STK33: variants seen among roughly 807,000 people sequenced by gnomAD.
STK33 encodes serine/threonine kinase 33, also known as serine/threonine-protein kinase 33.
A neutral mutation model predicts 58.0 loss-of-function variants in STK33; 52 were observed. That is an observed-to-expected ratio of 0.90 (90% confidence interval 0.72 to 1.13). The LOEUF (loss-of-function observed/expected upper bound fraction) is 1.13, where lower values mean the gene tolerates loss of function less well. Ranked by LOEUF, STK33 falls within the 50% of genes most tolerant of loss-of-function variation. STK33 has a pLI of 0.00. For missense variants in STK33, 630 were observed against 604.2 expected, an observed-to-expected ratio of 1.04 and a Z score of -0.45; for synonymous variants, 215 against 200.1, an observed-to-expected ratio of 1.07 and a Z score of -0.63.
At chr11:8,406,053 G>A (rs1162747706) in intron 15 of STK33, among the ~76,000 whole-genome samples, 1 of 147,200 alleles carries the variant, frequency 6.8e-6, no homozygotes, top group East Asian at 2.1e-4. Context: ...TGAGGCAGGA[G>A]AATGGCGGGA....
At chr11:8,537,766 T>C (rs1418504940) in intron 1 of STK33, among the ~76,000 whole-genome samples, 1 of 144,842 alleles carries the variant, frequency 6.9e-6, no homozygotes, top group South Asian at 2.2e-4. Context: ...GCCGAGATCA[T>C]GCCACTGCAC....
intron 14 of STK33, among the ~76,000 whole-genome samples, chr11:8,428,539 G>A (rs913211251): frequency 2.0e-5 from 3 of 152,196 alleles, no homozygotes; most frequent in African/African-American, 7.2e-5. Context: ...TATCTTGGCA[G>A]GAACCAGAGT....
chr11:8,486,426 C>T (rs377149303), intron 1 of STK33, among the ~76,000 whole-genome samples: 13 of 152,318 alleles, frequency 8.5e-5, no homozygotes, highest in African/African-American at 1.9e-4. Context: ...CTTTCCCATT[C>T]CTCTCTTCAT....
intron 1 of STK33, among the ~76,000 whole-genome samples, chr11:8,484,498 G>A (rs779045102): frequency 2.0e-5 from 3 of 152,184 alleles, no homozygotes; most frequent in Non-Finnish European, 4.4e-5. Flanking sequence ...TTGCAGCTGA[G>A]CTGTAGTGGG....
intron 1 of STK33, among the ~76,000 whole-genome samples, chr11:8,514,727 T>C (rs1050971492): frequency 6.6e-6 from 1 of 151,846 alleles, no homozygotes; most frequent in Non-Finnish European, 1.5e-5. Context: ...TCTCTGAATG[T>C]TGATGACACC....
chr11:8,592,392 A>T (rs1481594710), intron 1 of STK33, among the ~76,000 whole-genome samples: 1 of 152,266 alleles, frequency 6.6e-6, no homozygotes, highest in Non-Finnish European at 1.5e-5. Context: ...AAACATATTA[A>T]TAATGACAGA....
chr11:8,558,630 G>T lies in STK33; in HGVS notation c.-466+35453C>A, dbSNP rs1341568869. ...AAGGTGTGACACCAGATGCGGGTGG[G>T]TGTGGCTCATAACTTGTGGTGAACT... On this transcript the variant is annotated intron_variant, in intron 1 of 15. Transcript: ENST00000687296. Among the ~76,000 whole-genome samples, 3 of 152,144 alleles carry T rather than the reference G, an allele frequency of 2.0e-5. No homozygotes were observed. In the East Asian group the frequency reaches 5.8e-4, roughly 29 times the overall value.
downstream of STK33, among the ~76,000 whole-genome samples, chr11:8,390,298 C>T (rs985783262): frequency 6.6e-6 from 1 of 152,176 alleles, no homozygotes; most frequent in Non-Finnish European, 1.5e-5. Flanking sequence ...GACTATGTCC[C>T]GCTGGATCAC....
At chr11:8,452,052 A>G (rs1163129391) in intron 11 of STK33, among the ~76,000 whole-genome samples, 1 of 152,070 alleles carries the variant, frequency 6.6e-6, no homozygotes, top group Non-Finnish European at 1.5e-5. Context: ...AAAATACAAA[A>G]ATTAGCCAGG....
intron 1 of STK33, among the ~76,000 whole-genome samples, chr11:8,531,460 G>A (rs916604858): frequency 1.3e-5 from 2 of 152,206 alleles, no homozygotes; most frequent in East Asian, 1.9e-4. Context: ...ATGTGATTAC[G>A]TTGAGATGAC....
the STK33 span, among the ~76,000 whole-genome samples, chr11:8,357,829 G>A: frequency 1.3e-5 from 2 of 152,178 alleles, no homozygotes; most frequent in African/African-American, 2.4e-5. Flanking sequence ...TCTACATGGG[G>A]CCACCAGCTC....
intron 15 of STK33, among the ~76,000 whole-genome samples, chr11:8,412,015 G>A (rs1940336411): frequency 6.6e-6 from 1 of 152,118 alleles, no homozygotes; most frequent in South Asian, 2.1e-4. Context: ...AAAGGGGATG[G>A]AAGACATTTG....
the STK33 span, among the ~76,000 whole-genome samples, chr11:8,385,772 C>T: frequency 6.6e-6 from 1 of 151,822 alleles, no homozygotes; most frequent in East Asian, 1.9e-4. Flanking sequence ...GTCTCTCAAT[C>T]CAGTTCCTTT....
At chr11:8,388,442 T>C (rs1848574314), downstream of STK33, among the ~76,000 whole-genome samples, 1 of 152,240 alleles carries the variant, frequency 6.6e-6, no homozygotes, top group South Asian at 2.1e-4. Flanking sequence ...AATTAAGTGA[T>C]AACAATGTAC....
At chr11:8,463,393 G>A (rs908093422) in intron 7 of STK33, among the ~76,000 whole-genome samples, 9 of 152,118 alleles carry the variant, frequency 5.9e-5, no homozygotes, top group African/African-American at 1.2e-4. Context: ...ATCTAATGCC[G>A]CTGCTGATCT....
At chr11:8,338,345 G>A in the STK33 span, among the ~76,000 whole-genome samples, 5 of 152,170 alleles carry the variant, frequency 3.3e-5, no homozygotes, top group East Asian at 1.9e-4. Flanking sequence ...TCCCCGGGCC[G>A]GAGGTTTGGC....
intron 1 of STK33, chr11:8,555,222 T>C (rs1956652967): frequency 6.6e-6 from 1 of 151,276 alleles, no homozygotes; most frequent in South Asian, 2.1e-4. Context: ...AGAAGTAGAG[T>C]GTAGAATGAT....
At chr11:8,411,836 T>C (rs1332002566) in intron 15 of STK33, among the ~76,000 whole-genome samples, 1 of 152,212 alleles carries the variant, frequency 6.6e-6, no homozygotes, top group African/African-American at 2.4e-5. Context: ...TTCTATATTC[T>C]TGAAATGTCA....
intron 1 of STK33, among the ~76,000 whole-genome samples, chr11:8,536,972 A>AACT (rs1565305538): frequency 1.5e-5 from 1 of 65,734 alleles, no homozygotes; most frequent in Non-Finnish European, 2.5e-5. Flanking sequence ...AAAAAAAAAG[A>AACT]TTTTTTTTTT....
Sources: allele counts gnomAD v4.1 joint callset (sites outside exome capture counted in the v4.1 genomes callset), GRCh38; gene constraint gnomAD v4.1.1; transcripts MANE v1.5; gene names NCBI Gene and HGNC (gene_info 2026-07-23, HGNC 2026-07-21).